PRKCH: variants seen among roughly 807,000 people sequenced by gnomAD.
The protein encoded by PRKCH is protein kinase C eta.
A neutral mutation model predicts 82.5 loss-of-function variants in PRKCH; 28 were observed. That is an observed-to-expected ratio of 0.34 (90% confidence interval 0.25 to 0.47). The LOEUF is 0.47. Ranked by LOEUF, PRKCH falls within the 20% of genes least tolerant of loss-of-function variation. The pLI is 1.00. For missense variants in PRKCH, 705 were observed against 881.8 expected (o/e 0.80, Z 2.54); for synonymous variants, 322 against 327.4 (o/e 0.98, Z 0.18).
intron 1 of PRKCH, among the ~76,000 whole-genome samples, chr14:61,374,811 CT>C (rs2046410188): frequency 6.6e-6 from 1 of 151,994 alleles, no homozygotes; most frequent in South Asian, 2.1e-4. Context: ...CTGTGAAGAT[CT>C]TGGAAATGCC....
chr14:61,502,095 C>G (rs1886944195), intron 10 of PRKCH, among the ~76,000 whole-genome samples: 1 of 133,030 alleles, frequency 7.5e-6, no homozygotes, highest in Non-Finnish European at 1.6e-5. Flanking sequence ...GAGATGGAGT[C>G]TCACTCTCAC....
chr14:61,461,434 A>G (rs539031830), intron 9 of PRKCH, among the ~76,000 whole-genome samples: 2 of 152,308 alleles, frequency 1.3e-5, no homozygotes, highest in East Asian at 3.9e-4. Context: ...ACCACCATGA[A>G]CACCATGAGT....
At chr14:61,312,890 T>C (rs1264343087) in intron 1 of PRKCH, among the ~76,000 whole-genome samples, 1 of 152,202 alleles carries the variant, frequency 6.6e-6, no homozygotes, top group Non-Finnish European at 1.5e-5. Flanking sequence ...CCCACAGCTA[T>C]GAAAAACATA....
intron 1 of PRKCH, among the ~76,000 whole-genome samples, chr14:61,204,604 C>G (rs2044507633): frequency 6.6e-6 from 1 of 151,576 alleles, no homozygotes; most frequent in South Asian, 2.1e-4. Context: ...AAATAAGAAA[C>G]AAAAATATTA....
At chr14:61,307,868 G>A (rs189269409) in intron 1 of PRKCH, among the ~76,000 whole-genome samples, 3 of 152,258 alleles carry the variant, frequency 2.0e-5, no homozygotes, top group South Asian at 2.1e-4. Context: ...ACAGGGTCTC[G>A]CTCTGTCACG....
chr14:61,324,596 T>A (rs941094848), intron 1 of PRKCH, among the ~76,000 whole-genome samples: 8 of 152,152 alleles, frequency 5.3e-5, no homozygotes, highest in Admixed American at 2.0e-4. Context: ...CATGCTTTTT[T>A]AAAAAAGTAT....
intron 10 of PRKCH, among the ~76,000 whole-genome samples, chr14:61,526,450 A>T (rs1465549818): frequency 6.6e-6 from 1 of 152,174 alleles, no homozygotes; most frequent in Non-Finnish European, 1.5e-5. Flanking sequence ...AACCACACTT[A>T]TTGGGGATTC....
chr14:61,398,762 G>A (rs2046821696), intron 2 of PRKCH, among the ~76,000 whole-genome samples: 1 of 151,678 alleles, frequency 6.6e-6, no homozygotes. Flanking sequence ...TCCAGACTGT[G>A]GAAAAATTTT....
intron 2 of PRKCH, among the ~76,000 whole-genome samples, chr14:61,419,429 A>C (rs1882719601): frequency 6.6e-6 from 1 of 152,172 alleles, no homozygotes; most frequent in African/African-American, 2.4e-5. Flanking sequence ...TGTGTGTTGG[A>C]AGATGCTTAG....
chr14:61,202,460 G>C (rs927797119), intron 1 of PRKCH, among the ~76,000 whole-genome samples: 16 of 152,126 alleles, frequency 1.1e-4, no homozygotes, highest in Non-Finnish European at 2.2e-4. Flanking sequence ...GTATTTGAAA[G>C]GTATTGTCTC....
At chr14:61,393,847 C>T (rs1360027468) in intron 2 of PRKCH, among the ~76,000 whole-genome samples, 2 of 152,212 alleles carry the variant, frequency 1.3e-5, no homozygotes, top group Non-Finnish European at 2.9e-5. Context: ...GGAGAAAAGC[C>T]CTACAAATGT....
intron 9 of PRKCH, among the ~76,000 whole-genome samples, chr14:61,464,214 T>A (rs1291011192): frequency 6.6e-6 from 1 of 152,208 alleles, no homozygotes; most frequent in African/African-American, 2.4e-5. Flanking sequence ...TTTCTCCACA[T>A]CCTCTTCAAC....
At chr14:61,406,949 AGT>A (rs1185737686) in intron 2 of PRKCH, among the ~76,000 whole-genome samples, 1 of 151,566 alleles carries the variant, frequency 6.6e-6, no homozygotes, top group African/African-American at 2.4e-5. Flanking sequence ...TGATTGGAGT[AGT>A]GTATTAGTCA....
At chr14:61,222,792 T>A (rs914946699) in intron 1 of PRKCH, among the ~76,000 whole-genome samples, 1 of 152,240 alleles carries the variant, frequency 6.6e-6, no homozygotes, top group Non-Finnish European at 1.5e-5. Flanking sequence ...AGTTTCTTGC[T>A]TATATTCTGT....
intron 1 of PRKCH, among the ~76,000 whole-genome samples, chr14:61,291,742 T>C (rs986096126): frequency 1.3e-5 from 2 of 152,194 alleles, no homozygotes; most frequent in African/African-American, 4.8e-5. Flanking sequence ...CTGTATCTAA[T>C]CCTCAATGGA....
chr14:61,191,052 A>C (rs907969121), intron 1 of PRKCH, among the ~76,000 whole-genome samples: 1 of 152,210 alleles, frequency 6.6e-6, no homozygotes, highest in African/African-American at 2.4e-5. Flanking sequence ...TAATTTCTAA[A>C]ATCAAAACAA....
chr14:61,244,956 A>G (rs2044867692), intron 1 of PRKCH, among the ~76,000 whole-genome samples: 1 of 152,190 alleles, frequency 6.6e-6, no homozygotes, highest in African/African-American at 2.4e-5. Flanking sequence ...CAACTACTTT[A>G]TTGTTTAAAC....
intron 1 of PRKCH, among the ~76,000 whole-genome samples, chr14:61,219,503 C>G (rs1354971910): frequency 6.6e-6 from 1 of 152,174 alleles, no homozygotes; most frequent in African/African-American, 2.4e-5. Flanking sequence ...TTTTCTGTCA[C>G]TTTGACCAGG....
At chr14:61,442,549 C>T (rs1884027109) in intron 2 of PRKCH, 1 of 152,266 alleles carries the variant, frequency 6.6e-6, no homozygotes, top group Non-Finnish European at 1.5e-5. Context: ...CCTGGGAAAC[C>T]CTTGGTCTGT....
Sources: gnomAD v4.1 joint callset for allele counts (sites outside exome capture counted in the v4.1 genomes callset) on GRCh38, gnomAD v4.1.1 for gene constraint, MANE v1.5 for transcripts, NCBI Gene and HGNC (gene_info 2026-07-23, HGNC 2026-07-21) for gene names.